The following TMEM51 variants were observed in gnomAD, a reference collection of about 807,000 sequenced individuals.
TMEM51 encodes the protein chromosome 1 open reading frame 72.
TMEM51 carries 8 observed loss-of-function variants against 13.6 expected under a neutral mutation model. The ratio of observed to expected loss-of-function variants is 0.59; its 90% CI spans 0.35 to 1.07. TMEM51 has a LOEUF of 1.07. Ranked by LOEUF, TMEM51 falls within the 50% of genes least tolerant of loss-of-function variation. The pLI is 0.02. For synonymous variants in TMEM51, 147 were observed against 144.4 expected, an observed-to-expected ratio of 1.02 and a Z score of -0.13; for missense variants, 279 against 330.7, an observed-to-expected ratio of 0.84 and a Z score of 1.21.
rs184105670 is a variant in TMEM51 at position 15,165,264 on chromosome 1, C to T, written c.-267+11310C>T. On this transcript the variant is annotated intron_variant, in intron 1 of 3. Transcript: ENST00000376008. ...CCAGGAGGTAGAGGCTACAGTGAGC[C>T]GTGACTATGCCACTGCAGTCCAGTC... is the stretch of plus-strand genomic sequence containing the variant. Among the ~76,000 whole-genome samples, 109 of 152,004 alleles carry T rather than the reference C, an allele frequency of 7.2e-4. 1 individual carries two copies. The East Asian group carries it at 0.019, about 26-fold the overall frequency.
chr1:15,214,915 C>A lies in TMEM51; in HGVS notation c.-173C>A. On this transcript the variant is annotated 5_prime_UTR_variant, in exon 3 of 4. Coordinates refer to ENST00000376008, the MANE Select transcript of TMEM51 (RefSeq NM_001136218.2). Reference sequence around the variant, plus strand: ...TCCAGGCCCTTCCACCGCAGCCATCCGCACGGGAGGCCTCGCGATTGCTCG... The same window carrying A: ...TCCAGGCCCTTCCACCGCAGCCATCAGCACGGGAGGCCTCGCGATTGCTCG... The A allele has an allele frequency of 3.1e-6, 2 of 637,898 alleles. No homozygotes were observed. The highest frequency in any genetic ancestry group is 2.7e-6 in the Non-Finnish European group (1 of 376,186). The allele number at this position is 637,898 out of a possible 1,614,324, so 39.5% of individuals were successfully genotyped here.
chr1:15,154,564 C>T (rs938444495), intron 1 of TMEM51, among the ~76,000 whole-genome samples: 1 of 151,994 alleles, frequency 6.6e-6, no homozygotes, highest in Admixed American at 6.5e-5. Context: ...GCGGGGCATT[C>T]ATGCCCAGCA....
At chr1:15,171,259 G>A (rs1473805260) in intron 1 of TMEM51, 2 of 1,304,266 alleles carry the variant, frequency 1.5e-6, no homozygotes, top group Non-Finnish European at 2.0e-6. Context: ...AGGTTTGCAG[G>A]TCAGAGTGGA....
At chr1:15,178,327 T>A (rs547087123) in intron 1 of TMEM51, among the ~76,000 whole-genome samples, 1 of 152,230 alleles carries the variant, frequency 6.6e-6, no homozygotes, top group African/African-American at 2.4e-5. Flanking sequence ...TGTCTCTATA[T>A]CCTTGAGCTC....
At chr1:15,181,461 C>T (rs140486412) in intron 1 of TMEM51, among the ~76,000 whole-genome samples, 50 of 152,262 alleles carry the variant, frequency 3.3e-4, no homozygotes, top group African/African-American at 1.0e-3. Context: ...GACTCTTAAG[C>T]GCTCAAATTA....
rs577571109 is a variant in TMEM51 at position 15,203,306 on chromosome 1, T to G, written c.-266-7184T>G. ...TCTCGCTCTGTCACCCAGGCTGGAG[T>G]GCAGTGGCGTGATCTCGGCTCACTT... On this transcript the variant is annotated intron_variant, in intron 1 of 3. Transcript: ENST00000376008. Among the ~76,000 whole-genome samples, 8 of 152,280 alleles carry G rather than the reference T, an allele frequency of 5.3e-5. No individual in the cohort carries two copies. The South Asian group carries it at 1.7e-3, about 32-fold the overall frequency.
chr1:15,209,680 T>C (rs1236715318), intron 1 of TMEM51, among the ~76,000 whole-genome samples: 1 of 152,192 alleles, frequency 6.6e-6, no homozygotes, highest in Non-Finnish European at 1.5e-5. Flanking sequence ...CAATTTCTAA[T>C]GTTGAACCAA....
chr1:15,185,307 C>G (rs538551112), intron 1 of TMEM51, among the ~76,000 whole-genome samples: 1 of 152,294 alleles, frequency 6.6e-6, no homozygotes, highest in South Asian at 2.1e-4. Flanking sequence ...GATATTTTTT[C>G]TTTTTCTCCA....
At chr1:15,160,915 C>T (rs77082470) in intron 1 of TMEM51, among the ~76,000 whole-genome samples, 1,516 of 147,546 alleles carry the variant, frequency 0.01, 44 homozygotes, top group African/African-American at 0.035. Context: ...TGTACCTTAA[C>T]AACATGTGAA....
chr1:15,205,152 T>C (rs114993442), intron 1 of TMEM51, among the ~76,000 whole-genome samples: 3,864 of 152,258 alleles, frequency 0.025, 171 homozygotes, highest in African/African-American at 0.088. Context: ...GTCAAGTGCC[T>C]CAAGAAAAGA....
At chr1:15,172,291 G>T (rs967666658) in intron 1 of TMEM51, among the ~76,000 whole-genome samples, 3 of 151,660 alleles carry the variant, frequency 2.0e-5, no homozygotes, top group Non-Finnish European at 4.4e-5. Context: ...GGCTGAGGTG[G>T]TAGGGTCACC....
chr1:15,152,830 A>G (rs568204478), upstream of TMEM51: 16 of 152,298 alleles, frequency 1.1e-4, no homozygotes, highest in African/African-American at 3.6e-4. Context: ...CCCCGGAGCC[A>G]GAACTCCGTG....
intron 1 of TMEM51, among the ~76,000 whole-genome samples, chr1:15,205,699 A>G (rs1573440739): frequency 6.6e-6 from 1 of 152,332 alleles, no homozygotes; most frequent in East Asian, 1.9e-4. Flanking sequence ...TATCTATAAA[A>G]TAGAACCAAT....
intron 1 of TMEM51, chr1:15,171,129 CAGTT>C: frequency 2.3e-6 from 3 of 1,289,436 alleles, no homozygotes; most frequent in Non-Finnish European, 3.1e-6. Flanking sequence ...CCCCCACCCC[CAGTT>C]GCTGATTCAG....
At chr1:15,185,159 T>G (rs531511619) in intron 1 of TMEM51, among the ~76,000 whole-genome samples, 8 of 152,258 alleles carry the variant, frequency 5.3e-5, no homozygotes, top group African/African-American at 1.9e-4. Context: ...GAAGTAATGC[T>G]TGGGAAATGC....
chr1:15,163,644 A>T, intron 1 of TMEM51, among the ~76,000 whole-genome samples: 2 of 132,798 alleles, frequency 1.5e-5, no homozygotes, highest in Non-Finnish European at 3.5e-5. Flanking sequence ...TTTTTGTAAT[A>T]ATAGCAACAA....
chr1:15,184,519 T>G (rs1643712866), intron 1 of TMEM51, among the ~76,000 whole-genome samples: 1 of 152,212 alleles, frequency 6.6e-6, no homozygotes, highest in Non-Finnish European at 1.5e-5. Context: ...GACTGAAGGA[T>G]GCTTCTAGAA....
chr1:15,157,163 AGATAGC>A (rs1373059523), intron 1 of TMEM51, among the ~76,000 whole-genome samples: 1 of 152,174 alleles, frequency 6.6e-6, no homozygotes, highest in African/African-American at 2.4e-5. Context: ...TGCTGACCAG[AGATAGC>A]CCTCTGAGGG....
At chr1:15,218,135 G>A (rs1328522606) in intron 3 of TMEM51, among the ~76,000 whole-genome samples, 1 of 152,224 alleles carries the variant, frequency 6.6e-6, no homozygotes, top group African/African-American at 2.4e-5. Context: ...TCTGACAAAT[G>A]TGTAGAAAAT....
Sources: allele counts gnomAD v4.1 joint callset (sites outside exome capture counted in the v4.1 genomes callset), GRCh38; gene constraint gnomAD v4.1.1; transcripts MANE v1.5; gene names NCBI Gene and HGNC (gene_info 2026-07-23, HGNC 2026-07-21).